PCDH15: variants seen among roughly 807,000 people sequenced by gnomAD.
The protein encoded by PCDH15 is protocadherin-15.
PCDH15 carries 129 observed loss-of-function variants against 178.5 expected under a neutral mutation model. The observed-to-expected ratio is 0.72, with a 90% CI of 0.63 to 0.84. The LOEUF (loss-of-function observed/expected upper bound fraction) is 0.84, where lower values mean the gene tolerates loss of function less well. PCDH15 is among the 40% of genes least tolerant of loss of function. PCDH15 has a pLI of 0.00. For synonymous variants in PCDH15, 800 were observed against 732.0 expected, an observed-to-expected ratio of 1.09 and a Z score of -1.50; for missense variants, 2,230 against 2,099.9, an observed-to-expected ratio of 1.06 and a Z score of -1.21.
intron 2 of PCDH15, among the ~76,000 whole-genome samples, chr10:54,587,168 T>C (rs2091532886): frequency 6.6e-6 from 1 of 152,200 alleles, no homozygotes; most frequent in African/African-American, 2.4e-5. Context: ...TTTTTAAATG[T>C]CTGTCAGTGA....
intron 18 of PCDH15, among the ~76,000 whole-genome samples, chr10:54,031,246 T>G (rs115848592): frequency 0.017 from 2,570 of 152,048 alleles, 71 homozygotes; most frequent in African/African-American, 0.059. Context: ...TAGGTTTTTT[T>G]TTTGTTTGTT....
chr10:55,072,461 T>G (rs1841774085), intron 2 of PCDH15, among the ~76,000 whole-genome samples: 1 of 152,140 alleles, frequency 6.6e-6, no homozygotes, highest in East Asian at 1.9e-4. Context: ...CAGAGAATAC[T>G]ACGAACACCT....
At chr10:54,664,904 C>T (rs72794507) in intron 1 of PCDH15, among the ~76,000 whole-genome samples, 10,489 of 139,194 alleles carry the variant, frequency 0.075, 490 homozygotes, top group Admixed American at 0.11. Context: ...CAATCCCCAG[C>T]AAGTTAAAAA....
At chr10:53,809,266 G>T (rs1353975232) in intron 37 of PCDH15, 1 of 1,613,794 alleles carries the variant, frequency 6.2e-7, no homozygotes, top group Non-Finnish European at 8.5e-7. Flanking sequence ...TGATTCTACA[G>T]TGCTTTCTGT....
intron 2 of PCDH15, among the ~76,000 whole-genome samples, chr10:55,482,454 A>G (rs1840202080): frequency 6.6e-6 from 1 of 151,786 alleles, no homozygotes; most frequent in Admixed American, 6.6e-5. Flanking sequence ...GTGGCTGCCA[A>G]TGGGCTTTCC....
intron 3 of PCDH15, among the ~76,000 whole-genome samples, chr10:54,867,218 G>A (rs1037766274): frequency 6.6e-5 from 10 of 152,078 alleles, no homozygotes; most frequent in African/African-American, 1.9e-4. Flanking sequence ...CAGAGCTTCC[G>A]TGGTATAGTG....
Position 55,256,352 on chromosome 10 carries a change from C to G in PCDH15, c.-156+63247G>C, listed in dbSNP as rs1038113190. Among the ~76,000 whole-genome samples the G allele has an allele frequency of 2.0e-5, 3 of 152,182 alleles. No individual in the cohort carries two copies. In the East Asian group the frequency reaches 5.8e-4, roughly 29 times the overall value. On this transcript the variant is annotated intron_variant, in intron 1 of 5. Coordinates refer to the PCDH15 transcript ENST00000458638. ...TCCAACTGAGGTACCGGGTTCATCT[C>G]ACTGGGGAGTGTCGGAAAGTGGGTG... is the stretch of plus-strand genomic sequence containing the variant.
intron 2 of PCDH15, among the ~76,000 whole-genome samples, chr10:55,163,725 G>T (rs1839120847): frequency 6.6e-6 from 1 of 152,104 alleles, no homozygotes; most frequent in African/African-American, 2.4e-5. Flanking sequence ...CATGCTAAAA[G>T]ACACTCCCAC....
At chr10:55,054,595 A>T (rs1841250196) in intron 2 of PCDH15, among the ~76,000 whole-genome samples, 1 of 152,158 alleles carries the variant, frequency 6.6e-6, no homozygotes, top group African/African-American at 2.4e-5. Flanking sequence ...GTCTTTGAGG[A>T]ATCTCCACAC....
intron 3 of PCDH15, among the ~76,000 whole-genome samples, chr10:54,851,899 G>A (rs1355294523): frequency 1.3e-5 from 2 of 151,906 alleles, no homozygotes; most frequent in African/African-American, 4.8e-5. Context: ...TACAAATTTT[G>A]GTAATAAAAA....
chr10:54,289,145 C>T (rs1299554472), intron 8 of PCDH15, among the ~76,000 whole-genome samples: 1 of 152,164 alleles, frequency 6.6e-6, no homozygotes, highest in Non-Finnish European at 1.5e-5. Context: ...GGCAGGTGCC[C>T]CTCTGGGATG....
intron 2 of PCDH15, among the ~76,000 whole-genome samples, chr10:55,143,401 G>T (rs1838407272): frequency 6.6e-6 from 1 of 151,920 alleles, no homozygotes; most frequent in Non-Finnish European, 1.5e-5. Context: ...AAATTATTTT[G>T]AGTTACTAAA....
intron 2 of PCDH15, among the ~76,000 whole-genome samples, chr10:55,363,791 A>C (rs73255743): frequency 0.063 from 9,497 of 151,754 alleles, 706 homozygotes; most frequent in African/African-American, 0.18. Flanking sequence ...ATGCACCACC[A>C]CACCCCACTA....
chr10:53,818,475 T>G (rs1287586564), intron 33 of PCDH15: 1 of 152,220 alleles, frequency 6.6e-6, no homozygotes, highest in Non-Finnish European at 1.5e-5. Flanking sequence ...TCCAAATGAT[T>G]GTATGATATT....
chr10:55,078,498 T>G (rs1229210810), intron 2 of PCDH15, among the ~76,000 whole-genome samples: 1 of 152,180 alleles, frequency 6.6e-6, no homozygotes, highest in African/African-American at 2.4e-5. Context: ...AAGTCTTTAT[T>G]CGTTCTTTTT....
chr10:54,216,132 G>A (rs1051047272), intron 9 of PCDH15, among the ~76,000 whole-genome samples: 10 of 147,918 alleles, frequency 6.8e-5, no homozygotes, highest in Non-Finnish European at 1.5e-4. Context: ...TTATAAATTA[G>A]CTAAAAATAG....
chr10:54,804,147 C>T (rs1164605978), upstream of PCDH15, among the ~76,000 whole-genome samples: 4 of 152,098 alleles, frequency 2.6e-5, no homozygotes, highest in Non-Finnish European at 5.9e-5. Flanking sequence ...TCACGCCATT[C>T]TCCTGCCTCA....
At chr10:54,670,310 C>T (rs547902147) in intron 1 of PCDH15, among the ~76,000 whole-genome samples, 13 of 152,088 alleles carry the variant, frequency 8.5e-5, no homozygotes, top group East Asian at 3.9e-4. Context: ...ATATATTTCC[C>T]GAAACCACAT....
At chr10:54,541,142 A>G (rs1207733286) in intron 2 of PCDH15, among the ~76,000 whole-genome samples, 1 of 152,140 alleles carries the variant, frequency 6.6e-6, no homozygotes, top group Non-Finnish European at 1.5e-5. Flanking sequence ...TCTATTTGAC[A>G]TAGTACTAGA....
Sources: gnomAD v4.1 joint callset for allele counts (sites outside exome capture counted in the v4.1 genomes callset) on GRCh38, gnomAD v4.1.1 for gene constraint, MANE v1.5 for transcripts, NCBI Gene and HGNC (gene_info 2026-07-23, HGNC 2026-07-21) for gene names.